NPAS3: variants seen among roughly 807,000 people sequenced by gnomAD.
NPAS3 encodes neuronal PAS domain-containing protein 3.
NPAS3 carries 14 observed loss-of-function variants against 73.1 expected under a neutral mutation model. That is an observed-to-expected ratio of 0.19 (90% CI 0.13 to 0.30). NPAS3 has a LOEUF of 0.30. Ranked by LOEUF, NPAS3 falls within the 10% of genes least tolerant of loss-of-function variation. The probability of loss-of-function intolerance (pLI) is 1.00; values close to 1 mark genes in which losing one functional copy is unlikely to be tolerated. For synonymous variants in NPAS3, 620 were observed against 541.5 expected (o/e 1.14, Z -2.01); for missense variants, 1,096 against 1,250.0 (o/e 0.88, Z 1.86).
rs967809482 is a variant in NPAS3, at chr14:33,031,351, G to A, written c.51-24554G>A. 2.6e-5 allele frequency among the ~76,000 whole-genome samples: 4 copies of A among 152,274 alleles called. No individual in the cohort carries two copies. The South Asian group carries it at 6.2e-4, about 24-fold the overall frequency. On this transcript the variant is annotated intron_variant, in intron 1 of 11. Transcript: ENST00000356141. Reference sequence around the variant, plus strand: ...TTTATTATCCAGTTTTATGATGAGGGAACTGAACGGTTAAGTGGATGCCAA... The same window carrying A: ...TTTATTATCCAGTTTTATGATGAGGAAACTGAACGGTTAAGTGGATGCCAA...
rs192209696 is a variant in NPAS3 at position 33,675,913 on chromosome 14, C to T, written c.559-298C>T. Reference sequence around the variant, plus strand: ...ATTTGATGATGCGTGGATAAAACAGCTGAATACAAGGCAGACTCGTCCACA... The same window carrying T: ...ATTTGATGATGCGTGGATAAAACAGTTGAATACAAGGCAGACTCGTCCACA... On this transcript the variant is annotated intron_variant, in intron 5 of 11. Coordinates refer to ENST00000356141, the Ensembl canonical transcript of NPAS3. Among the ~76,000 whole-genome samples the T allele has an allele frequency of 3.3e-5, 5 of 151,862 alleles. No individual in the cohort carries two copies. In the East Asian group the frequency reaches 9.7e-4, roughly 29 times the overall value.
chr14:33,187,507 T>C (rs945578875), intron 2 of NPAS3, among the ~76,000 whole-genome samples: 3 of 152,114 alleles, frequency 2.0e-5, no homozygotes, highest in Non-Finnish European at 4.4e-5. Context: ...ATTATGTAGG[T>C]TTGTTGTATA....
chr14:33,471,960 A>C (rs568466895), intron 4 of NPAS3, among the ~76,000 whole-genome samples: 1 of 152,360 alleles, frequency 6.6e-6, no homozygotes, highest in South Asian at 2.1e-4. Flanking sequence ...TGTGAACTAC[A>C]CATGTGAGGG....
intron 3 of NPAS3, among the ~76,000 whole-genome samples, chr14:33,365,826 G>A (rs559980106): frequency 2.4e-4 from 36 of 152,224 alleles, no homozygotes; most frequent in African/African-American, 7.7e-4. Flanking sequence ...CTACTAAGCT[G>A]TGGAGCCCAC....
At chr14:33,620,276 A>T (rs979059576) in intron 5 of NPAS3, among the ~76,000 whole-genome samples, 1 of 152,222 alleles carries the variant, frequency 6.6e-6, no homozygotes, top group South Asian at 2.1e-4. Context: ...GAAACTATAG[A>T]CAACCTTTGA....
rs199933003 is a variant in NPAS3 at position 32,957,372 on chromosome 14, A to ATT, written c.50+18021_50+18022dup. ...TGGGTTATTATAAGTATTCATTTTC[A>ATT]TTTTTTTTTTTTTTTTGGAAATGGA... On this transcript the variant is annotated intron_variant, in intron 1 of 11. Transcript: ENST00000356141. Among the ~76,000 whole-genome samples, 58 of 131,912 alleles carry ATT rather than the reference A, an allele frequency of 4.4e-4. 1 individual carries two copies. Among genetic ancestry groups the ATT allele is most frequent in the African/African-American group, 1.5e-3 (54 of 36,000 alleles). 86.5% of individuals were successfully genotyped at this position (131,912 alleles called of 152,430 possible).
intron 4 of NPAS3, among the ~76,000 whole-genome samples, chr14:33,546,946 G>C (rs1451057080): frequency 6.6e-6 from 1 of 152,106 alleles, no homozygotes; most frequent in Non-Finnish European, 1.5e-5. Context: ...AATAATATTG[G>C]CTAACACTTT....
intron 3 of NPAS3, among the ~76,000 whole-genome samples, chr14:33,250,546 A>C (rs141400613): frequency 1.3e-5 from 2 of 152,262 alleles, no homozygotes; most frequent in East Asian, 3.9e-4. Flanking sequence ...GCTCGCATTA[A>C]ACTTGTTAAA....
At chr14:33,557,025 G>A (rs2139730172) in intron 4 of NPAS3, among the ~76,000 whole-genome samples, 1 of 152,284 alleles carries the variant, frequency 6.6e-6, no homozygotes, top group South Asian at 2.1e-4. Flanking sequence ...AAGATTCAAG[G>A]GAATAGTCAC....
rs74424844 is a variant in NPAS3, at chr14:33,788,304, G to A, written c.1154-5593G>A. On this transcript the variant is annotated intron_variant, in intron 9 of 11. Transcript: ENST00000356141. The stretch of plus-strand genomic sequence containing the variant: ...GTACCTCCAGGAGGGGGTGAATGGC[G>A]CCACAGATGCGTCCTCCTATCGCCA... Among the ~76,000 whole-genome samples, 1,370 of 152,332 alleles carry A rather than the reference G, an allele frequency of 9.0e-3. 8 individuals are homozygous for A. Among genetic ancestry groups the A allele is most frequent in the Non-Finnish European group, 0.014 (986 of 68,036 alleles).
At chr14:33,634,144 A>C (rs1475288469) in intron 5 of NPAS3, among the ~76,000 whole-genome samples, 2 of 152,224 alleles carry the variant, frequency 1.3e-5, no homozygotes, top group African/African-American at 2.4e-5. Context: ...AATTGGGTCA[A>C]AACCACAAAA....
At chr14:33,497,435 C>G (rs1259303785) in intron 4 of NPAS3, among the ~76,000 whole-genome samples, 1 of 152,070 alleles carries the variant, frequency 6.6e-6, no homozygotes, top group African/African-American at 2.4e-5. Context: ...ATCATGCTAC[C>G]TGACTTCAAA....
At chr14:33,307,220 C>A (rs1418534080) in intron 3 of NPAS3, among the ~76,000 whole-genome samples, 1 of 152,080 alleles carries the variant, frequency 6.6e-6, no homozygotes, top group Non-Finnish European at 1.5e-5. Flanking sequence ...TTTGCGTTGT[C>A]TAATGAATAC....
chr14:33,490,720 A>C (rs1298157474), intron 4 of NPAS3, among the ~76,000 whole-genome samples: 1 of 152,156 alleles, frequency 6.6e-6, no homozygotes, highest in African/African-American at 2.4e-5. Context: ...TCATTCCGTC[A>C]CCCTGCACTG....
At chr14:33,669,621 A>C (rs2059554120) in intron 5 of NPAS3, among the ~76,000 whole-genome samples, 1 of 152,198 alleles carries the variant, frequency 6.6e-6, no homozygotes, top group Admixed American at 6.5e-5. Context: ...AAAATGGGGG[A>C]GATCTTCAAA....
chr14:33,767,599 CTTTT>C (rs10711937), intron 7 of NPAS3, among the ~76,000 whole-genome samples: 6 of 138,650 alleles, frequency 4.3e-5, no homozygotes, highest in Non-Finnish European at 6.2e-5. Context: ...GGACTCTTGT[CTTTT>C]TTTTTTTTTT....
chr14:33,365,164 G>A (rs565950376), intron 3 of NPAS3, among the ~76,000 whole-genome samples: 55 of 100,044 alleles, frequency 5.5e-4, no homozygotes, highest in African/African-American at 2.2e-3. Context: ...CAACTCCCCC[G>A]CTTCTCCCTC....
intron 2 of NPAS3, among the ~76,000 whole-genome samples, chr14:33,077,080 C>T (rs2041684443): frequency 6.6e-6 from 1 of 152,068 alleles, no homozygotes; most frequent in African/African-American, 2.4e-5. Flanking sequence ...AAGGTATGGG[C>T]CCTTGTGGTG....
intron 5 of NPAS3, among the ~76,000 whole-genome samples, chr14:33,633,192 A>C (rs886784869): frequency 1.3e-5 from 2 of 152,198 alleles, no homozygotes; most frequent in Non-Finnish European, 2.9e-5. Context: ...AAGGGACTTG[A>C]GCATCTGATG....
Sources: gnomAD v4.1 joint callset for allele counts (sites outside exome capture counted in the v4.1 genomes callset) on GRCh38, gnomAD v4.1.1 for gene constraint, MANE v1.5 for transcripts, NCBI Gene and HGNC (gene_info 2026-07-23, HGNC 2026-07-21) for gene names.